The following MCTP1 variants were observed in gnomAD, a reference collection of about 807,000 sequenced individuals.
MCTP1 encodes the protein multiple C2 and transmembrane domain containing 1.
In MCTP1, 69 loss-of-function variants were observed where a neutral mutation model predicts 120.6. That is an observed-to-expected ratio of 0.57 (90% CI 0.47 to 0.70). The LOEUF (loss-of-function observed/expected upper bound fraction) is 0.70, where lower values mean the gene tolerates loss of function less well. MCTP1 is among the 30% of genes least tolerant of loss of function. The probability of loss-of-function intolerance (pLI) is 0.00; values close to 1 mark genes in which losing one functional copy is unlikely to be tolerated. For missense variants in MCTP1, 1,203 were observed against 1,248.8 expected (o/e 0.96, Z 0.55); for synonymous variants, 529 against 493.1 (o/e 1.07, Z -0.96).
intron 1 of MCTP1, among the ~76,000 whole-genome samples, chr5:95,084,175 A>T (rs1482774634): frequency 6.6e-6 from 1 of 152,150 alleles, no homozygotes; most frequent in African/African-American, 2.4e-5. Context: ...CTCCTGCATA[A>T]ATCTTGTAAA....
intron 6 of MCTP1, among the ~76,000 whole-genome samples, chr5:94,929,078 C>T (rs769844616): frequency 1.3e-5 from 2 of 152,156 alleles, no homozygotes; most frequent in African/African-American, 4.8e-5. Context: ...GCTTAAGGAA[C>T]AGGAAATTCC....
chr5:94,889,515 G>C (rs987435077), intron 11 of MCTP1, among the ~76,000 whole-genome samples: 5 of 152,102 alleles, frequency 3.3e-5, no homozygotes, highest in Non-Finnish European at 7.3e-5. Flanking sequence ...CTTGAACCCG[G>C]GAGGCAGAGG....
intron 17 of MCTP1, among the ~76,000 whole-genome samples, chr5:94,827,679 T>C (rs1787506000): frequency 6.6e-6 from 1 of 152,054 alleles, no homozygotes; most frequent in African/African-American, 2.4e-5. Flanking sequence ...CATTCTTTTT[T>C]CTCTAATCTT....
At position 94,831,698 on chromosome 5, in the gene MCTP1, GT is replaced by G. The variant is rs200845729; in HGVS notation, c.2437-32567del. Among the ~76,000 whole-genome samples the G allele has an allele frequency of 6.6e-3, 1,008 of 152,150 alleles. 15 individuals are homozygous for G. Among genetic ancestry groups the G allele is most frequent in the African/African-American group, 0.022 (923 of 41,520 alleles). On this transcript the variant is annotated intron_variant, in intron 17 of 22. Transcript: ENST00000515393. ...AATGAAATTTGCTAAGCTTTAATGA[GT>G]TTTATTTTAAAAGCTCTTTTCAAAT...
At chr5:94,729,021 A>G (rs1488331566) in intron 19 of MCTP1, among the ~76,000 whole-genome samples, 1 of 152,232 alleles carries the variant, frequency 6.6e-6, no homozygotes, top group Non-Finnish European at 1.5e-5. Context: ...ACAAACAAAA[A>G]CAGCAGATAG....
rs1033583644 is a variant in MCTP1, at chr5:94,768,193, A to T, written c.2610+10917T>A. Among the ~76,000 whole-genome samples the T allele has an allele frequency of 3.3e-5, 5 of 152,138 alleles. No individual in the cohort carries two copies. In the South Asian group the frequency reaches 8.3e-4, roughly 25 times the overall value. On this transcript the variant is annotated intron_variant, in intron 19 of 22. Transcript: ENST00000515393. ...CAATAAATGGGGCTGGGAAAACTGG[A>T]TATCCATATGCAGAAGAATAAAACT...
chr5:94,955,650 A>G (rs1488866506), intron 2 of MCTP1, among the ~76,000 whole-genome samples: 6 of 152,184 alleles, frequency 3.9e-5, no homozygotes, highest in Admixed American at 6.5e-5. Flanking sequence ...AAAGCTGCAG[A>G]AAGTTCAGAC....
Position 94,707,443 on chromosome 5 carries a change from TTTTTC to T in MCTP1, c.*48_*52del. 2.9e-6 allele frequency: 4 copies of T among 1,401,748 alleles called. No homozygotes were observed. Among genetic ancestry groups the T allele is most frequent in the East Asian group, 2.3e-5 (1 of 43,766 alleles). The allele number at this position is 1,401,748 out of a possible 1,614,324, so 86.8% of individuals were successfully genotyped here. A position where few individuals can be genotyped will look rare whatever the true frequency, so the allele number is the denominator to read the frequency against. On this transcript the variant is annotated 3_prime_UTR_variant, in exon 23 of 23. Coordinates refer to ENST00000515393, the MANE Select transcript of MCTP1 (RefSeq NM_024717.7). ...AGGAAATGCTGCTGAGGCTGAGGGC[TTTTTC>T]TTTTATCTTCCCAAACAGATGCTGG... is the stretch of plus-strand genomic sequence containing the variant.
chr5:95,006,580 A>T (rs1834808548), intron 2 of MCTP1, among the ~76,000 whole-genome samples: 1 of 152,192 alleles, frequency 6.6e-6, no homozygotes, highest in Admixed American at 6.5e-5. Context: ...AAAGTGATTG[A>T]CTAGCAACAT....
chr5:94,906,472 C>A (rs945337421), intron 10 of MCTP1, among the ~76,000 whole-genome samples: 2 of 151,876 alleles, frequency 1.3e-5, no homozygotes, highest in Non-Finnish European at 2.9e-5. Flanking sequence ...GGCGACAGAT[C>A]GAGACCCTGT....
chr5:94,835,488 CTT>C (rs1657383859), intron 17 of MCTP1, among the ~76,000 whole-genome samples: 1 of 152,148 alleles, frequency 6.6e-6, no homozygotes, highest in African/African-American at 2.4e-5. Flanking sequence ...TGGCAAGTGA[CTT>C]AACGTCTCTG....
At chr5:94,960,103 A>G (rs1823754638) in intron 2 of MCTP1, among the ~76,000 whole-genome samples, 1 of 152,228 alleles carries the variant, frequency 6.6e-6, no homozygotes, top group South Asian at 2.1e-4. Context: ...CAGAGGCCTC[A>G]GAAATAACAC....
chr5:94,825,002 T>C (rs1162723623), intron 17 of MCTP1, among the ~76,000 whole-genome samples: 1 of 152,216 alleles, frequency 6.6e-6, no homozygotes, highest in Non-Finnish European at 1.5e-5. Context: ...CTGGATACAC[T>C]GATTGTTTTG....
intron 1 of MCTP1, among the ~76,000 whole-genome samples, chr5:95,206,638 A>T (rs1194255141): frequency 6.6e-6 from 1 of 152,076 alleles, no homozygotes; most frequent in Non-Finnish European, 1.5e-5. Context: ...GGATTCAAGC[A>T]ATTTTCCTGC....
chr5:95,204,660 A>T (rs1318412813), intron 1 of MCTP1, among the ~76,000 whole-genome samples: 1 of 152,172 alleles, frequency 6.6e-6, no homozygotes, highest in Non-Finnish European at 1.5e-5. Flanking sequence ...TAAAACTAAT[A>T]AACAAGTTCT....
intron 1 of MCTP1, among the ~76,000 whole-genome samples, chr5:95,040,988 T>C (rs1350452257): frequency 6.6e-6 from 1 of 152,140 alleles, no homozygotes; most frequent in Non-Finnish European, 1.5e-5. Context: ...TAGATTCTTG[T>C]GACTTTTGGT....
At chr5:94,924,675 T>C (rs1296566087) in intron 6 of MCTP1, among the ~76,000 whole-genome samples, 1 of 152,086 alleles carries the variant, frequency 6.6e-6, no homozygotes, top group Non-Finnish European at 1.5e-5. Context: ...CTTTGGGAAA[T>C]AAAAAAATAG....
chr5:94,728,130 C>T (rs1762465741), intron 19 of MCTP1, among the ~76,000 whole-genome samples: 1 of 152,094 alleles, frequency 6.6e-6, no homozygotes, highest in African/African-American at 2.4e-5. Context: ...AAGAAAATTC[C>T]AAAGGCCTAC....
chr5:94,875,118 A>G (rs1798560343), intron 12 of MCTP1, among the ~76,000 whole-genome samples: 1 of 152,192 alleles, frequency 6.6e-6, no homozygotes, highest in African/African-American at 2.4e-5. Flanking sequence ...TACATTTTAT[A>G]GTATCTTAGA....
Sources: allele counts gnomAD v4.1 joint callset (sites outside exome capture counted in the v4.1 genomes callset), GRCh38; gene constraint gnomAD v4.1.1; transcripts MANE v1.5; gene names NCBI Gene and HGNC (gene_info 2026-07-23, HGNC 2026-07-21).